INSL6: variants seen among roughly 807,000 people sequenced by gnomAD.
INSL6 encodes the protein insulin like 6.
In INSL6, 16 loss-of-function variants were observed where a neutral mutation model predicts 9.4. The ratio of observed to expected loss-of-function variants is 1.70; its 90% CI spans 1.15 to 2.59. INSL6 has a LOEUF of 2.59. Among genes scored for constraint, INSL6 ranks in the 30% most tolerant of loss-of-function variants. INSL6 has a pLI of 0.00. For missense variants in INSL6, 391 were observed against 257.3 expected (o/e 1.52, Z -3.56); for synonymous variants, 154 against 96.9 (o/e 1.59, Z -3.46).
At chr9:5,103,813 G>A in the INSL6 span, among the ~76,000 whole-genome samples, 1 of 152,166 alleles carries the variant, frequency 6.6e-6, no homozygotes, top group Non-Finnish European at 1.5e-5. Context: ...GCTCCTGAAT[G>A]ACTACTGGGT....
the INSL6 span, among the ~76,000 whole-genome samples, chr9:5,067,193 G>A: frequency 2.0e-5 from 3 of 152,042 alleles, no homozygotes; most frequent in Non-Finnish European, 4.4e-5. Context: ...AGAGGAAACA[G>A]AATTAGAGAA....
the INSL6 span, among the ~76,000 whole-genome samples, chr9:5,116,188 C>T: frequency 4.6e-5 from 7 of 152,116 alleles, no homozygotes; most frequent in African/African-American, 1.4e-4. Context: ...CTATTTTAAG[C>T]ATGGAGAACT....
At chr9:5,109,718 A>G in the INSL6 span, 8 of 152,140 alleles carry the variant, frequency 5.3e-5, no homozygotes, top group Admixed American at 4.6e-4. Context: ...AACTCTCACT[A>G]AGCTTTAGAC....
the INSL6 span, among the ~76,000 whole-genome samples, chr9:5,004,778 C>T: frequency 6.6e-6 from 1 of 152,142 alleles, no homozygotes; most frequent in African/African-American, 2.4e-5. Flanking sequence ...TCTCCACACA[C>T]TCACCAATGC....
the INSL6 span, among the ~76,000 whole-genome samples, chr9:5,028,902 C>G: frequency 6.6e-6 from 1 of 152,300 alleles, no homozygotes; most frequent in South Asian, 2.1e-4. Context: ...CTAGACCACT[C>G]AAACTTTTGT....
Position 5,163,957 on chromosome 9 carries a change from T to G in INSL6, c.598A>C (p.Arg200=), listed in dbSNP as rs752224453. 4.4e-6 allele frequency: 7 copies of G among 1,608,940 alleles called. No homozygotes were observed. The South Asian group carries it at 7.7e-5, about 18-fold the overall frequency. The stretch of plus-strand genomic sequence containing the variant: ...AGTGATGATCTTTTTTCCTTTAGCC[T>G]TTTAAAATCAATATATGGAAGACAT... The part of the protein sequence containing the change: ...IACLPYIDFK[R]LKEKRSSLVT... The change falls in exon 2 of 2, where the codon AGG becomes CGG. Residue 200 remains arginine, a synonymous_variant. Transcript: ENST00000381641.
exon 4 of INSL6, among the ~76,000 whole-genome samples, chr9:5,124,168 A>G (rs1823823360): frequency 6.6e-6 from 1 of 151,848 alleles, no homozygotes; most frequent in Non-Finnish European, 1.5e-5. Flanking sequence ...TTTTCTGTTC[A>G]TTCTGTTGAT....
intron 2 of INSL6, among the ~76,000 whole-genome samples, chr9:5,144,193 T>C (rs970528250): frequency 2.0e-5 from 3 of 152,206 alleles, no homozygotes; most frequent in African/African-American, 4.8e-5. Context: ...GAGATTCTGA[T>C]ATGTTGTTAT....
the INSL6 span, chr9:5,094,444 A>G: frequency 6.6e-6 from 1 of 152,162 alleles, no homozygotes; most frequent in Admixed American, 6.6e-5. Context: ...ATAAGCATCC[A>G]ATTCAAATTA....
chr9:5,066,897 G>A, the INSL6 span: 1 of 454,162 alleles, frequency 2.2e-6, no homozygotes, highest in Non-Finnish European at 3.8e-6. Context: ...TATAGCTTTG[G>A]ATATGATAAC....
the INSL6 span, among the ~76,000 whole-genome samples, chr9:5,051,848 C>A: frequency 6.6e-6 from 1 of 151,932 alleles, no homozygotes; most frequent in Non-Finnish European, 1.5e-5. Flanking sequence ...GTATTTCTCT[C>A]TTTGGTTTTA....
the INSL6 span, among the ~76,000 whole-genome samples, chr9:5,020,465 C>T: frequency 1.3e-5 from 2 of 152,098 alleles, no homozygotes; most frequent in South Asian, 2.1e-4. Context: ...TTTCCAATTT[C>T]CTGGTGGAAT....
the INSL6 span, among the ~76,000 whole-genome samples, chr9:5,013,523 G>C: frequency 6.6e-6 from 1 of 152,178 alleles, no homozygotes; most frequent in Non-Finnish European, 1.5e-5. Context: ...GAGAAGCACT[G>C]ACCTATCTGA....
At chr9:5,033,962 C>T in the INSL6 span, among the ~76,000 whole-genome samples, 118 of 152,282 alleles carry the variant, frequency 7.7e-4, no homozygotes, top group African/African-American at 2.8e-3. Flanking sequence ...GATAAAGAGT[C>T]AAGACCCATC....
At chr9:5,040,140 A>G in the INSL6 span, among the ~76,000 whole-genome samples, 1 of 152,248 alleles carries the variant, frequency 6.6e-6, no homozygotes, top group African/African-American at 2.4e-5. Flanking sequence ...GACAGTCTCA[A>G]TATAATTTCT....
At chr9:5,160,406 C>T (rs149902343), downstream of INSL6, among the ~76,000 whole-genome samples, 162 of 152,002 alleles carry the variant, frequency 1.1e-3, 5 homozygotes, top group East Asian at 0.023. Context: ...ACAAAAATAA[C>T]GGAAACACAA....
chr9:5,176,794 G>A (rs1262717178), intron 1 of INSL6, among the ~76,000 whole-genome samples: 1 of 151,302 alleles, frequency 6.6e-6, no homozygotes, highest in Non-Finnish European at 1.5e-5. Flanking sequence ...AAAACCTATA[G>A]AATCAACAAA....
the INSL6 span, chr9:5,108,864 A>C: frequency 1.3e-5 from 2 of 152,178 alleles, no homozygotes; most frequent in South Asian, 4.1e-4. Flanking sequence ...CGTCACCCTT[A>C]TAATTACCCA....
the INSL6 span, chr9:5,080,337 G>T: frequency 6.2e-7 from 1 of 1,613,798 alleles, no homozygotes; most frequent in African/African-American, 1.3e-5. Context: ...TGGGAAATCT[G>T]CAGTGGAGGA....
Sources: allele counts gnomAD v4.1 joint callset (sites outside exome capture counted in the v4.1 genomes callset), GRCh38; gene constraint gnomAD v4.1.1; transcripts MANE v1.5; gene names NCBI Gene and HGNC (gene_info 2026-07-23, HGNC 2026-07-21).